Variants in PLS1 observed in about 807,000 individuals in gnomAD.
PLS1 encodes plastin 1.
A neutral mutation model predicts 73.7 loss-of-function variants in PLS1; 32 were observed. The observed-to-expected ratio is 0.43, with a 90% CI of 0.33 to 0.58. The LOEUF is 0.58. Among genes scored for constraint, PLS1 ranks in the 20% least tolerant of loss-of-function variants. The probability of loss-of-function intolerance (pLI) is 0.04; values close to 1 mark genes in which losing one functional copy is unlikely to be tolerated. For missense variants in PLS1, 633 were observed against 740.5 expected, an observed-to-expected ratio of 0.85 and a Z score of 1.68; for synonymous variants, 217 against 261.3, an observed-to-expected ratio of 0.83 and a Z score of 1.63.
chr3:142,689,587 C>A, intron 9 of PLS1, 31 bp from the exon 10 acceptor site: 2 of 1,379,696 alleles, frequency 1.4e-6, no homozygotes, highest in South Asian at 1.6e-5. Flanking sequence ...ATTAAAACTT[C>A]AATTGTAACC....
chr3:142,597,737 T>C (rs964464388), intron 1 of PLS1, among the ~76,000 whole-genome samples: 8 of 152,210 alleles, frequency 5.3e-5, no homozygotes, highest in African/African-American at 1.9e-4. Flanking sequence ...AAGCTAGGCC[T>C]GGGATCCAGG....
intron 4 of PLS1, among the ~76,000 whole-genome samples, chr3:142,675,270 A>G (rs1307099077): frequency 2.6e-5 from 4 of 152,220 alleles, no homozygotes; most frequent in Admixed American, 2.6e-4. Flanking sequence ...AGCTTTCAGA[A>G]GCAATACATA....
intron 12 of PLS1, 112 bp from the exon 13 acceptor site, chr3:142,703,756 A>G: frequency 8.0e-6 from 5 of 627,384 alleles, no homozygotes; most frequent in Non-Finnish European, 1.1e-5. Flanking sequence ...AATTGGTCAT[A>G]TAAATTTAAG....
intron 1 of PLS1, among the ~76,000 whole-genome samples, chr3:142,598,021 C>T (rs181940204): frequency 1.1e-3 from 162 of 152,302 alleles, no homozygotes; most frequent in Middle Eastern, 3.4e-3. Flanking sequence ...CTGTTTGCCT[C>T]CCTCTTTCCG....
At chr3:142,640,356 G>A (rs1005637925) in intron 1 of PLS1, among the ~76,000 whole-genome samples, 3 of 152,000 alleles carry the variant, frequency 2.0e-5, no homozygotes, top group Non-Finnish European at 4.4e-5. Flanking sequence ...TAATGCTTTC[G>A]ACAGTTTTCA....
At position 142,704,554 on chromosome 3, in the gene PLS1, G is replaced by A. The variant is rs758605766; in HGVS notation, c.1597G>A (p.Ala533Thr). The A allele has an allele frequency of 1.5e-5, 24 of 1,578,922 alleles. 2 individuals are homozygous for A. The South Asian group carries it at 2.7e-4, about 18-fold the overall frequency. Residue 533 changes from alanine (A) to threonine (T), a missense_variant, in exon 14 of 16, where the codon GCA becomes ACA. By Grantham distance (58) the Ala-to-Thr change is moderately conservative. Coordinates refer to ENST00000457734, the MANE Select transcript of PLS1 (RefSeq NM_001145319.2). ...IKWVNQTLKS[A>T]NKKTSISSFK... is the part of the protein sequence containing the mutation. ...ATGGGTCAATCAGACTCTTAAAAGT[G>A]CAAACAAAAAGACTTCTATTTCCAG...
chr3:142,666,668 G>A (rs151206264), intron 2 of PLS1, among the ~76,000 whole-genome samples: 4 of 152,218 alleles, frequency 2.6e-5, no homozygotes, highest in East Asian at 3.9e-4. Context: ...ACATAGTAGC[G>A]GAATTGCTAC....
chr3:142,618,172 A>T (rs1363081587), intron 1 of PLS1, among the ~76,000 whole-genome samples: 6 of 152,146 alleles, frequency 3.9e-5, no homozygotes, highest in African/African-American at 1.4e-4. Flanking sequence ...TTTGACTAAC[A>T]TCTAATATGT....
intron 4 of PLS1, among the ~76,000 whole-genome samples, chr3:142,671,898 A>G (rs1173612331): frequency 6.6e-6 from 1 of 152,108 alleles, no homozygotes; most frequent in African/African-American, 2.4e-5. Flanking sequence ...CTCTAGCGAT[A>G]CACTCAAATT....
At chr3:142,681,695 T>C (rs546621870) in intron 6 of PLS1, among the ~76,000 whole-genome samples, 54 of 152,288 alleles carry the variant, frequency 3.5e-4, no homozygotes, top group Non-Finnish European at 5.7e-4. Context: ...AGGGCAGTTG[T>C]CCATGGTAAG....
chr3:142,600,394 C>T (rs2035893096), intron 1 of PLS1, among the ~76,000 whole-genome samples: 1 of 152,056 alleles, frequency 6.6e-6, no homozygotes, highest in Admixed American at 6.6e-5. Flanking sequence ...AGGTGGTGAG[C>T]AATGGCTTTG....
In PLS1 at chr3:142,713,427, G is replaced by A. The variant is rs866652558; in HGVS notation, c.*1420G>A. 2.0e-5 allele frequency: 3 copies of A among 152,452 alleles called. No individual in the cohort carries two copies. Among genetic ancestry groups the A allele is most frequent in the Non-Finnish European group, 2.9e-5 (2 of 67,952 alleles). The allele number at this position is 152,452 out of a possible 1,614,324, so 9.4% of individuals were successfully genotyped here. A position where few individuals can be genotyped will look rare whatever the true frequency, so the allele number is the denominator to read the frequency against. ...TTTTTAAATGAAATGATCAACAGGT[G>A]GAATTTGAAATATATTCTTCTACAA... On this transcript the variant is annotated 3_prime_UTR_variant, in exon 16 of 16. Transcript: ENST00000457734.
chr3:142,688,856 G>A (rs999726677), intron 9 of PLS1, among the ~76,000 whole-genome samples: 1 of 152,206 alleles, frequency 6.6e-6, no homozygotes, highest in South Asian at 2.1e-4. Context: ...ATTGTGAAAG[G>A]TGCTTTTCCC....
At chr3:142,701,571 A>G (rs1011282898) in intron 12 of PLS1, among the ~76,000 whole-genome samples, 1 of 152,158 alleles carries the variant, frequency 6.6e-6, no homozygotes, top group Non-Finnish European at 1.5e-5. Context: ...ACCTCTCTAG[A>G]TCTCTTAGAA....
At chr3:142,702,983 A>G (rs1351881541) in intron 12 of PLS1, among the ~76,000 whole-genome samples, 1 of 152,220 alleles carries the variant, frequency 6.6e-6, no homozygotes, top group Non-Finnish European at 1.5e-5. Context: ...GTGCATAAGC[A>G]TTACAAAGTA....
At position 142,673,164 on chromosome 3, in the gene PLS1, C is replaced by T. The variant is rs150736406; in HGVS notation, c.364+2042C>T. On this transcript the variant is annotated intron_variant, in intron 4 of 15. Coordinates refer to ENST00000457734, the MANE Select transcript of PLS1 (RefSeq NM_001145319.2). ...TCAAGGGATCCTCCCACCTCAGCCT[C>T]CCAAGTGCATAACCATGCCTCCCAA... 4.2e-3 allele frequency among the ~76,000 whole-genome samples: 634 copies of T among 152,270 alleles called. 4 individuals are homozygous for T. Among genetic ancestry groups the T allele is most frequent in the African/African-American group, 0.014 (591 of 41,552 alleles).
At chr3:142,708,056 A>G (rs2038503444) in intron 14 of PLS1, among the ~76,000 whole-genome samples, 2 of 152,114 alleles carry the variant, frequency 1.3e-5, no homozygotes, top group African/African-American at 2.4e-5. Context: ...GTTAGACTAC[A>G]TAAGTTAACA....
At chr3:142,656,568 A>G (rs979376009) in intron 1 of PLS1, 3 of 152,262 alleles carry the variant, frequency 2.0e-5, no homozygotes, top group Non-Finnish European at 4.4e-5. Context: ...TTTTTCCAAA[A>G]TGAATGATAC....
intron 6 of PLS1, 129 bp from the exon 7 acceptor site, chr3:142,683,866 TGAGTAGTGGTA>T: frequency 1.0e-5 from 6 of 602,654 alleles, no homozygotes; most frequent in East Asian, 2.8e-5. Context: ...TTTTTTTTTT[TGAGTAGTGGTA>T]TTTTCGTTGT....
Sources: allele counts gnomAD v4.1 joint callset (sites outside exome capture counted in the v4.1 genomes callset), GRCh38; gene constraint gnomAD v4.1.1; transcripts MANE v1.5; gene names NCBI Gene and HGNC (gene_info 2026-07-23, HGNC 2026-07-21).